The following ITIH5 variants were observed in gnomAD, a reference collection of about 807,000 sequenced individuals.
ITIH5 encodes inter-alpha-trypsin inhibitor heavy chain H5.
Under a neutral mutation model 77.5 loss-of-function variants are expected in ITIH5, and 65 were observed. The ratio of observed to expected loss-of-function variants is 0.84; its 90% confidence interval spans 0.69 to 1.03. The LOEUF is 1.03. Ranked by LOEUF, ITIH5 falls within the 50% of genes least tolerant of loss-of-function variation. The pLI is 0.00. For missense variants in ITIH5, 1,208 were observed against 1,213.1 expected, an observed-to-expected ratio of 1.00 and a Z score of 0.06; for synonymous variants, 525 against 494.3, an observed-to-expected ratio of 1.06 and a Z score of -0.82.
intron 7 of ITIH5, among the ~76,000 whole-genome samples, chr10:7,603,265 G>T (rs1015181562): frequency 6.6e-6 from 1 of 152,188 alleles, no homozygotes; most frequent in Non-Finnish European, 1.5e-5. Flanking sequence ...AACCTGGGAG[G>T]TATCATGCTA....
At chr10:7,608,506 C>G (rs563755084) in intron 7 of ITIH5, among the ~76,000 whole-genome samples, 1 of 152,198 alleles carries the variant, frequency 6.6e-6, no homozygotes, top group Non-Finnish European at 1.5e-5. Flanking sequence ...TCGTCTCGAA[C>G]TCCTGGGCTC....
Position 7,666,961 on chromosome 10 carries a change from C to A in ITIH5, c.-69G>T. On this transcript the variant is annotated 5_prime_UTR_variant, in exon 1 of 14. Transcript: ENST00000397146. ...GCTTTGCAGCGCCCAGGGCTCCAGC[C>A]ACTGCGGGACGCTCTCGGGGCCGCC... 7.9e-7 allele frequency: 1 copy of A among 1,272,702 alleles called. No homozygotes were observed. Among genetic ancestry groups the A allele is most frequent in the Admixed American group, 2.3e-5 (1 of 42,672 alleles). The allele number at this position is 1,272,702 out of a possible 1,614,324, so 78.8% of individuals were successfully genotyped here.
At chr10:7,571,221 T>C (rs1366765811) in intron 11 of ITIH5, among the ~76,000 whole-genome samples, 1 of 151,990 alleles carries the variant, frequency 6.6e-6, no homozygotes, top group East Asian at 1.9e-4. Flanking sequence ...CCAGAGGAGA[T>C]CAAAGTTCTC....
intron 4 of ITIH5, 26 bp downstream of exon 4, chr10:7,640,728 T>C: frequency 6.6e-7 from 1 of 1,517,988 alleles, no homozygotes; most frequent in Non-Finnish European, 9.1e-7. Flanking sequence ...AATGGGTTTT[T>C]AATTCCTTAA....
chr10:7,644,528 AT>A (rs1465972252), intron 2 of ITIH5, among the ~76,000 whole-genome samples: 1 of 112,386 alleles, frequency 8.9e-6, no homozygotes. Flanking sequence ...TCACATATAT[AT>A]GATATATCAC....
chr10:7,602,371 C>T (rs1047551400), intron 7 of ITIH5, among the ~76,000 whole-genome samples: 9 of 152,206 alleles, frequency 5.9e-5, no homozygotes, highest in Non-Finnish European at 8.8e-5. Flanking sequence ...TGTCCCCACC[C>T]GAATCTCACC....
rs140499541 is a variant in ITIH5, at chr10:7,646,202, C to CT, written c.136-4113dup. On this transcript the variant is annotated intron_variant, in intron 2 of 13. Transcript: ENST00000397146. ...ATGGGAAAGTAAATAGGAATCAATG[C>CT]TTTAAAAAAAATCCCACAAACTCAG... Among the ~76,000 whole-genome samples the CT allele has an allele frequency of 4.7e-3, 716 of 152,270 alleles. 5 individuals are homozygous for CT. Among genetic ancestry groups the CT allele is most frequent in the African/African-American group, 0.012 (519 of 41,554 alleles).
At chr10:7,645,951 C>CA (rs1044113038) in intron 2 of ITIH5, among the ~76,000 whole-genome samples, 7 of 151,806 alleles carry the variant, frequency 4.6e-5, no homozygotes, top group African/African-American at 1.2e-4. Context: ...CATTATCTTT[C>CA]AAAAAAAGAA....
At chr10:7,626,348 G>A (rs1588410195) in intron 5 of ITIH5, among the ~76,000 whole-genome samples, 1 of 152,208 alleles carries the variant, frequency 6.6e-6, no homozygotes, top group Non-Finnish European at 1.5e-5. Flanking sequence ...CCGAGCCACA[G>A]CCAACGTCAA....
intron 10 of ITIH5, among the ~76,000 whole-genome samples, chr10:7,574,325 C>T (rs530139839): frequency 3.9e-5 from 6 of 152,268 alleles, no homozygotes; most frequent in African/African-American, 1.2e-4. Flanking sequence ...CTTCTCAATA[C>T]TGGTCTTGAC....
chr10:7,609,327 C>A, intron 7 of ITIH5: 1 of 397,414 alleles, frequency 2.5e-6, no homozygotes. Flanking sequence ...CAGCAAATGT[C>A]ATTACCCACT....
chr10:7,563,434 G>C, intron 13 of ITIH5, 50 bp from the exon 14 acceptor site: 1 of 1,532,456 alleles, frequency 6.5e-7, no homozygotes, highest in African/African-American at 1.4e-5. Flanking sequence ...CAGAAACCTC[G>C]TGCTGAACTC....
chr10:7,629,509 C>CAGTGTGTGTCCGTGTTGT (rs1833676905), intron 5 of ITIH5, among the ~76,000 whole-genome samples: 1 of 50,928 alleles, frequency 2.0e-5, no homozygotes, highest in South Asian at 6.1e-4. Context: ...GTCCATGTTG[C>CAGTGTGTGTCCGTGTTGT]AGCGTGTGTC....
At chr10:7,630,741 G>A (rs1270647037) in intron 5 of ITIH5, among the ~76,000 whole-genome samples, 1 of 151,950 alleles carries the variant, frequency 6.6e-6, no homozygotes, top group African/African-American at 2.4e-5. Flanking sequence ...TATATGATTT[G>A]CAAATATTTT....
At chr10:7,599,725 A>G (rs1832978163) in intron 7 of ITIH5, among the ~76,000 whole-genome samples, 1 of 152,214 alleles carries the variant, frequency 6.6e-6, no homozygotes, top group Admixed American at 6.5e-5. Context: ...CAGGCTGGGA[A>G]AAAGCCATGC....
intron 7 of ITIH5, among the ~76,000 whole-genome samples, chr10:7,593,212 G>C (rs1832829071): frequency 1.3e-5 from 2 of 152,176 alleles, no homozygotes; most frequent in East Asian, 1.9e-4. Flanking sequence ...GGCCTCAGCT[G>C]CAACTTGTCC....
intron 5 of ITIH5, among the ~76,000 whole-genome samples, chr10:7,632,944 C>T (rs1833736191): frequency 6.6e-6 from 1 of 152,122 alleles, no homozygotes; most frequent in African/African-American, 2.4e-5. Context: ...GTAATTTAGG[C>T]CATAAGTGAG....
chr10:7,644,326 T>C (rs190740450), intron 2 of ITIH5, among the ~76,000 whole-genome samples: 1 of 147,756 alleles, frequency 6.8e-6, no homozygotes, highest in Non-Finnish European at 1.5e-5. Context: ...ATCATACATA[T>C]CACATATATA....
At chr10:7,615,889 A>G in intron 7 of ITIH5, 93 bp downstream of exon 7, 2 of 773,332 alleles carry the variant, frequency 2.6e-6, no homozygotes, top group Non-Finnish European at 4.6e-6. Context: ...GGTAAAGCTG[A>G]CGTTTGGCAT....
Sources: gnomAD v4.1 joint callset for allele counts (sites outside exome capture counted in the v4.1 genomes callset) on GRCh38, gnomAD v4.1.1 for gene constraint, MANE v1.5 for transcripts, NCBI Gene and HGNC (gene_info 2026-07-23, HGNC 2026-07-21) for gene names.